Variants in DACH2 observed in about 807,000 individuals in gnomAD.
DACH2 encodes the protein dachshund homolog 2.
A neutral mutation model predicts 35.8 loss-of-function variants in DACH2; 17 were observed. That is an observed-to-expected ratio of 0.48 (90% CI 0.33 to 0.71). DACH2 has a LOEUF of 0.71. Ranked by LOEUF, DACH2 falls within the 30% of genes least tolerant of loss-of-function variation. DACH2 has a pLI of 0.02. For synonymous variants in DACH2, 195 were observed against 177.3 expected (o/e 1.10, Z -0.79); for missense variants, 469 against 472.7 (o/e 0.99, Z 0.07).
chrX:86,162,298 A>T (rs931555202), intron 1 of DACH2, among the ~76,000 whole-genome samples: 1 of 111,228 alleles, frequency 9.0e-6, no homozygotes, highest in Non-Finnish European at 1.9e-5. Flanking sequence ...TTTTACAGAC[A>T]GGTGGACTAA....
At chrX:86,298,306 G>C (rs981234075) in intron 1 of DACH2, among the ~76,000 whole-genome samples, 3 of 111,471 alleles carry the variant, frequency 2.7e-5, no homozygotes, top group African/African-American at 9.8e-5. Context: ...ATTTTTGTGG[G>C]AGGCTGATTT....
intron 6 of DACH2, among the ~76,000 whole-genome samples, chrX:86,725,471 G>T (rs993244557): frequency 3.6e-5 from 4 of 111,573 alleles, no homozygotes. Flanking sequence ...ACAGTTATTT[G>T]TTAAGGCTGT....
intron 1 of DACH2, among the ~76,000 whole-genome samples, chrX:86,295,881 A>G (rs1431336095): frequency 1.8e-5 from 2 of 109,625 alleles, no homozygotes; most frequent in African/African-American, 6.7e-5. Context: ...TGAAGTTATA[A>G]TCAGGTACTA....
rs181983226 is a variant in DACH2, at chrX:86,603,945, G to A, written c.641-47091G>A. ...GGTGTTTATTTTTAAAGTGTTTGGG[G>A]ATTATCTAGATATTTTTCTCTTATC... is the stretch of plus-strand genomic sequence containing the variant. On this transcript the variant is annotated intron_variant, in intron 3 of 11. Coordinates refer to ENST00000373125, the MANE Select transcript of DACH2 (RefSeq NM_053281.3). Among the ~76,000 whole-genome samples, 693 of 110,755 alleles carry A rather than the reference G, an allele frequency of 6.3e-3. 13 individuals carry two copies. The highest frequency in any genetic ancestry group is 0.051 in the Admixed American group (527 of 10,367).
At chrX:86,759,491 C>G (rs760208022) in intron 7 of DACH2, among the ~76,000 whole-genome samples, 1 of 109,064 alleles carries the variant, frequency 9.2e-6, no homozygotes, top group East Asian at 2.9e-4. Context: ...CATCACTTTA[C>G]TTTTAGTCTG....
At chrX:86,253,147 T>A (rs1418843009) in intron 1 of DACH2, among the ~76,000 whole-genome samples, 1 of 110,315 alleles carries the variant, frequency 9.1e-6, no homozygotes, top group East Asian at 2.8e-4. Context: ...ATCAGATCAA[T>A]AACTCAACCC....
intron 7 of DACH2, among the ~76,000 whole-genome samples, chrX:86,802,243 T>G (rs763908181): frequency 9.0e-6 from 1 of 111,097 alleles, no homozygotes; most frequent in East Asian, 2.8e-4. Context: ...CAGGCTCTAC[T>G]CTATACCTAC....
At chrX:86,758,265 A>AT (rs1352627833) in intron 7 of DACH2, among the ~76,000 whole-genome samples, 1 of 110,707 alleles carries the variant, frequency 9.0e-6, no homozygotes, top group Non-Finnish European at 1.9e-5. Flanking sequence ...TTTTCTGGTA[A>AT]TTTGGGGTTT....
At chrX:86,532,488 C>T (rs756638962) in intron 3 of DACH2, among the ~76,000 whole-genome samples, 3 of 109,904 alleles carry the variant, frequency 2.7e-5, no homozygotes, top group African/African-American at 9.9e-5. Flanking sequence ...ATAGCTCTCT[C>T]TCTCTCTCTC....
intron 4 of DACH2, among the ~76,000 whole-genome samples, chrX:86,655,990 C>T (rs969912303): frequency 1.2e-4 from 13 of 107,952 alleles, no homozygotes; most frequent in African/African-American, 4.1e-4. Context: ...AGTATATCAT[C>T]AAGACTTTGT....
intron 3 of DACH2, among the ~76,000 whole-genome samples, chrX:86,618,570 G>A (rs1348425554): frequency 3.6e-5 from 4 of 111,799 alleles, no homozygotes; most frequent in Non-Finnish European, 7.5e-5. Flanking sequence ...AATGATACAT[G>A]TACAAATATG....
intron 3 of DACH2, among the ~76,000 whole-genome samples, chrX:86,521,265 G>A (rs2038550201): frequency 9.0e-6 from 1 of 111,651 alleles, no homozygotes; most frequent in African/African-American, 3.3e-5. Flanking sequence ...CAGCTAAGAG[G>A]TCCACTGTTA....
chrX:86,575,369 C>A (rs183960402), intron 3 of DACH2, among the ~76,000 whole-genome samples: 1 of 110,784 alleles, frequency 9.0e-6, no homozygotes, highest in Admixed American at 9.7e-5. Flanking sequence ...AGCTTAAAAT[C>A]CCAAAAAGTG....
intron 2 of DACH2, among the ~76,000 whole-genome samples, chrX:86,424,967 G>A (rs1006343428): frequency 1.8e-5 from 2 of 111,307 alleles, no homozygotes; most frequent in Non-Finnish European, 3.8e-5. Context: ...TTGATACCAT[G>A]TATCACATTA....
At chrX:86,802,488 G>A (rs1302984121) in intron 7 of DACH2, among the ~76,000 whole-genome samples, 2 of 93,525 alleles carry the variant, frequency 2.1e-5, no homozygotes, top group Admixed American at 2.6e-4. Context: ...TTCCCTTCCT[G>A]ATCTGTGCCA....
intron 3 of DACH2, among the ~76,000 whole-genome samples, chrX:86,522,610 C>T (rs2038572067): frequency 1.0e-5 from 1 of 100,321 alleles, no homozygotes; most frequent in Non-Finnish European, 2.0e-5. Context: ...TTAGAGTTTT[C>T]CCAGATTCCA....
At chrX:86,238,830 A>G (rs948953300) in intron 1 of DACH2, among the ~76,000 whole-genome samples, 1 of 111,653 alleles carries the variant, frequency 9.0e-6, no homozygotes, top group Non-Finnish European at 1.9e-5. Flanking sequence ...TTAGTGGGAT[A>G]ACTAAATTTT....
chrX:86,207,416 C>T (rs1297655870), intron 1 of DACH2, among the ~76,000 whole-genome samples: 1 of 111,066 alleles, frequency 9.0e-6, no homozygotes, highest in African/African-American at 3.3e-5. Context: ...ACAGAATTGA[C>T]TGGGTGTATG....
At position 86,725,104 on chromosome X, in the gene DACH2, G is replaced by A. The variant is rs755357210; in HGVS notation, c.1104+10384G>A. Among the ~76,000 whole-genome samples the A allele has an allele frequency of 2.8e-5, 3 of 106,136 alleles. No individual in the cohort carries two copies. In the East Asian group the frequency reaches 8.8e-4, roughly 31 times the overall value. The allele number at this position is 106,136 out of a possible 115,157, so 92.2% of individuals were successfully genotyped here. On this transcript the variant is annotated intron_variant, in intron 6 of 11. Transcript: ENST00000373125. ...CCTGAATTGATTCTCCAATTTATTTGCATTTGTTTTCAGATTTCTCTTTCA... is the reference window on the plus strand; with the variant it reads ...CCTGAATTGATTCTCCAATTTATTTACATTTGTTTTCAGATTTCTCTTTCA...
Sources: gnomAD v4.1 joint callset for allele counts (sites outside exome capture counted in the v4.1 genomes callset) on GRCh38, gnomAD v4.1.1 for gene constraint, MANE v1.5 for transcripts, NCBI Gene and HGNC (gene_info 2026-07-23, HGNC 2026-07-21) for gene names.